The following NOX4 variants were observed in gnomAD, a reference collection of about 807,000 sequenced individuals.
NOX4 encodes kidney oxidase-1.
NOX4 carries 69 observed loss-of-function variants against 87.6 expected under a neutral mutation model. The ratio of observed to expected loss-of-function variants is 0.79; its 90% CI spans 0.65 to 0.96. The LOEUF (loss-of-function observed/expected upper bound fraction) is 0.96, where lower values mean the gene tolerates loss of function less well. Ranked by LOEUF, NOX4 falls within the 40% of genes least tolerant of loss-of-function variation. The pLI is 0.00. For synonymous variants in NOX4, 275 were observed against 238.2 expected, an observed-to-expected ratio of 1.15 and a Z score of -1.42; for missense variants, 680 against 681.5, an observed-to-expected ratio of 1.00 and a Z score of 0.02.
chr11:89,347,577 A>G (rs1301629999), intron 13 of NOX4, among the ~76,000 whole-genome samples: 3 of 152,342 alleles, frequency 2.0e-5, no homozygotes, highest in Non-Finnish European at 4.4e-5. Flanking sequence ...CAAAAAGTCA[A>G]CATAAAGATG....
intron 17 of NOX4, among the ~76,000 whole-genome samples, chr11:89,327,087 A>G (rs553894072): frequency 2.6e-5 from 4 of 152,294 alleles, no homozygotes; most frequent in African/African-American, 9.6e-5. Context: ...AGAATTTAGG[A>G]TAATTCAAAG....
intron 2 of NOX4, among the ~76,000 whole-genome samples, chr11:89,475,248 T>C (rs1946117223): frequency 6.6e-6 from 1 of 152,002 alleles, no homozygotes; most frequent in Non-Finnish European, 1.5e-5. Context: ...AGTGATGATA[T>C]ATATAACATT....
At chr11:89,444,906 T>C (rs1226605297) in intron 4 of NOX4, among the ~76,000 whole-genome samples, 1 of 152,142 alleles carries the variant, frequency 6.6e-6, no homozygotes, top group Non-Finnish European at 1.5e-5. Context: ...GATGTGAAGA[T>C]GAACTCATTT....
At chr11:89,464,880 C>T (rs1002546121) in intron 2 of NOX4, among the ~76,000 whole-genome samples, 1 of 152,006 alleles carries the variant, frequency 6.6e-6, no homozygotes, top group Non-Finnish European at 1.5e-5. Flanking sequence ...TTGTTGAAGC[C>T]CTAGTCACCA....
chr11:89,460,613 A>C (rs1443648798), intron 2 of NOX4, among the ~76,000 whole-genome samples: 2 of 152,194 alleles, frequency 1.3e-5, no homozygotes, highest in Non-Finnish European at 2.9e-5. Context: ...ATGAGATACC[A>C]TCTCACACCA....
In NOX4 at chr11:89,451,901, C is replaced by T. The variant is rs1944979843; in HGVS notation, c.154-6G>A. 1 of 1,594,134 alleles carries T rather than the reference C, an allele frequency of 6.3e-7. No homozygotes were observed. Among genetic ancestry groups the T allele is most frequent in the South Asian group, 1.1e-5 (1 of 90,696 alleles). On this transcript the variant is annotated splice_region_variant and splice_polypyrimidine_tract_variant and intron_variant, in intron 2 of 17. Transcript: ENST00000263317. The stretch of plus-strand genomic sequence containing the variant: ...CTGCTTAGACACAATCCTAGCTGAA[C>T]AAATAAGGCAAGGTCAGCACACAGT...
chr11:89,334,780 T>A (rs1945625810), intron 17 of NOX4, among the ~76,000 whole-genome samples: 1 of 151,752 alleles, frequency 6.6e-6, no homozygotes, highest in Non-Finnish European at 1.5e-5. Flanking sequence ...AATTTTAAAA[T>A]GAAATATTTA....
chr11:89,528,212 G>T, the NOX4 span, among the ~76,000 whole-genome samples: 2 of 152,164 alleles, frequency 1.3e-5, no homozygotes, highest in African/African-American at 4.8e-5. Flanking sequence ...TTTACCCAAT[G>T]CCTGTACACC....
chr11:89,576,726 G>T, the NOX4 span, among the ~76,000 whole-genome samples: 3 of 152,064 alleles, frequency 2.0e-5, no homozygotes, highest in African/African-American at 7.2e-5. Context: ...AATCTTTAAT[G>T]TCACATTCAT....
In NOX4 at chr11:89,396,279, G is replaced by A. The variant is rs575541872; in HGVS notation, c.1074+3738C>T. ...CTCTTTGAAGCAATTGTGAATGGGA[G>A]TTCACTCATGATTTGGCTCTCTGTT... On this transcript the variant is annotated intron_variant, in intron 11 of 17. Coordinates refer to ENST00000263317, the MANE Select transcript of NOX4 (RefSeq NM_016931.5). Among the ~76,000 whole-genome samples, 382 of 152,216 alleles carry A rather than the reference G, an allele frequency of 2.5e-3. 2 individuals carry two copies. The highest frequency in any genetic ancestry group is 3.1e-3 in the Non-Finnish European group (209 of 68,016).
At chr11:89,576,670 T>C in the NOX4 span, among the ~76,000 whole-genome samples, 2 of 152,122 alleles carry the variant, frequency 1.3e-5, no homozygotes, top group Non-Finnish European at 2.9e-5. Flanking sequence ...TCCAGGCAAA[T>C]GGTGAGTATT....
chr11:89,495,579 G>T (rs974341601), upstream of NOX4, among the ~76,000 whole-genome samples: 1 of 152,142 alleles, frequency 6.6e-6, no homozygotes, highest in Non-Finnish European at 1.5e-5. Context: ...ACAAGTTCCT[G>T]AGATTAGGAT....
At chr11:89,465,820 TG>T (rs1418326500) in intron 2 of NOX4, among the ~76,000 whole-genome samples, 72 of 148,136 alleles carry the variant, frequency 4.9e-4, no homozygotes, top group African/African-American at 1.9e-3. Context: ...CACTTTATGA[TG>T]GGGTTTTTTT....
At chr11:89,585,057 G>A in the NOX4 span, among the ~76,000 whole-genome samples, 22 of 152,190 alleles carry the variant, frequency 1.4e-4, no homozygotes, top group Middle Eastern at 3.4e-3. Flanking sequence ...ATTATTGGGT[G>A]GGCGAATTTT....
At chr11:89,561,050 CATATATATATATATATATATATAT>C in the NOX4 span, among the ~76,000 whole-genome samples, 17 of 28,552 alleles carry the variant, frequency 6.0e-4, no homozygotes, top group East Asian at 5.1e-3. Flanking sequence ...ATATATCATA[CATATATATATATATATATATATAT>C]ATATATATAT....
At chr11:89,364,687 C>T (rs1591030191) in intron 12 of NOX4, among the ~76,000 whole-genome samples, 1 of 152,036 alleles carries the variant, frequency 6.6e-6, no homozygotes, top group Non-Finnish European at 1.5e-5. Context: ...CATGTATTCT[C>T]CATAGTATTC....
chr11:89,427,575 T>C (rs1231747772), intron 7 of NOX4, among the ~76,000 whole-genome samples: 1 of 152,112 alleles, frequency 6.6e-6, no homozygotes, highest in Non-Finnish European at 1.5e-5. Context: ...ACGTGACGAA[T>C]GACAAGCTTC....
the NOX4 span, among the ~76,000 whole-genome samples, chr11:89,553,381 T>C: frequency 1.6e-4 from 25 of 152,134 alleles, no homozygotes; most frequent in Non-Finnish European, 2.8e-4. Flanking sequence ...CCTGCTGTCT[T>C]GCTTCCCCTT....
chr11:89,393,246 G>A (rs896692182), intron 11 of NOX4, among the ~76,000 whole-genome samples: 2 of 152,032 alleles, frequency 1.3e-5, no homozygotes, highest in African/African-American at 2.4e-5. Flanking sequence ...ACATCCTATC[G>A]AAGAATTGTC....
Sources: allele counts gnomAD v4.1 joint callset (sites outside exome capture counted in the v4.1 genomes callset), GRCh38; gene constraint gnomAD v4.1.1; transcripts MANE v1.5; gene names NCBI Gene and HGNC (gene_info 2026-07-23, HGNC 2026-07-21).